Variants in PPP1R12B observed in about 807,000 individuals in gnomAD.
PPP1R12B encodes protein phosphatase 1 regulatory subunit 12B.
In PPP1R12B, 76 loss-of-function variants were observed where a neutral mutation model predicts 126.1. The ratio of observed to expected loss-of-function variants is 0.60; its 90% CI spans 0.50 to 0.73. The LOEUF is 0.73. Among genes scored for constraint, PPP1R12B ranks in the 30% least tolerant of loss-of-function variants. PPP1R12B has a pLI of 0.00. For missense variants in PPP1R12B, 1,052 were observed against 1,205.1 expected (o/e 0.87, Z 1.88); for synonymous variants, 356 against 434.7 (o/e 0.82, Z 2.25).
intron 1 of PPP1R12B, among the ~76,000 whole-genome samples, chr1:202,361,673 G>C (rs1658242051): frequency 6.6e-6 from 1 of 152,058 alleles, no homozygotes; most frequent in Admixed American, 6.6e-5. Context: ...TCAGTAATAT[G>C]GTTTCTTATT....
chr1:202,350,659 T>C (rs894173490), intron 1 of PPP1R12B, among the ~76,000 whole-genome samples: 3 of 151,936 alleles, frequency 2.0e-5, no homozygotes, highest in Non-Finnish European at 4.4e-5. Context: ...CTCGCTCTGT[T>C]GCCCAGGCTG....
intron 18 of PPP1R12B, among the ~76,000 whole-genome samples, chr1:202,540,467 G>C (rs1445451531): frequency 2.0e-5 from 3 of 152,076 alleles, no homozygotes; most frequent in Non-Finnish European, 4.4e-5. Context: ...TAAATATGTC[G>C]GGCTACAGTT....
At chr1:202,560,372 A>G (rs550489909) in intron 19 of PPP1R12B, among the ~76,000 whole-genome samples, 3 of 152,328 alleles carry the variant, frequency 2.0e-5, no homozygotes, top group Non-Finnish European at 4.4e-5. Flanking sequence ...GAATAAAAGA[A>G]TAGCTACTCC....
Position 202,450,430 on chromosome 1 carries a change from G to A in PPP1R12B, c.1850+1259G>A, listed in dbSNP as rs183494795. On this transcript the variant is annotated intron_variant, in intron 13 of 23. Coordinates refer to ENST00000608999, the MANE Select transcript of PPP1R12B (RefSeq NM_002481.4). ...AAGAATGGGTCATTTTCTCCTACTT[G>A]AGGAAGTATTAAAAATAGAATGTAC... is the stretch of plus-strand genomic sequence containing the variant. Among the ~76,000 whole-genome samples, 275 of 152,296 alleles carry A rather than the reference G, an allele frequency of 1.8e-3. 2 individuals are homozygous for A. Among genetic ancestry groups the A allele is most frequent in the African/African-American group, 6.4e-3 (267 of 41,574 alleles).
intron 18 of PPP1R12B, chr1:202,540,159 G>A (rs757165170): frequency 5.2e-5 from 84 of 1,609,220 alleles, no homozygotes; most frequent in Non-Finnish European, 6.2e-5. Context: ...TTATATACCC[G>A]AAGTAAAGAA....
At chr1:202,440,981 T>G (rs1314464306) in intron 11 of PPP1R12B, among the ~76,000 whole-genome samples, 193 bp downstream of exon 11, 2 of 152,232 alleles carry the variant, frequency 1.3e-5, no homozygotes, top group African/African-American at 2.4e-5. Flanking sequence ...TTTCAAATTC[T>G]AACTCCAGGT....
At chr1:202,390,938 C>T (rs779681517) in intron 1 of PPP1R12B, among the ~76,000 whole-genome samples, 18 of 152,270 alleles carry the variant, frequency 1.2e-4, no homozygotes, top group Admixed American at 3.9e-4. Context: ...GTGGCACACA[C>T]CTGTAGTCCC....
chr1:202,541,049 T>C (rs1409072628), intron 18 of PPP1R12B, among the ~76,000 whole-genome samples: 1 of 152,180 alleles, frequency 6.6e-6, no homozygotes. Context: ...CTGCTACCAA[T>C]AGCAAGGGAT....
Position 202,419,717 on chromosome 1 carries a change from G to T in PPP1R12B, c.422+2800G>T, listed in dbSNP as rs1056790929. 1.3e-5 allele frequency among the ~76,000 whole-genome samples: 2 copies of T among 152,096 alleles called. No homozygotes were observed. The highest frequency in any genetic ancestry group is 2.9e-5 in the Non-Finnish European group (2 of 68,004). ...AAGCAATATTTATGGAATACCAAGAGGAAAAAGCAAGTGTCAGATGTCATG... is the reference window on the plus strand; with the variant it reads ...AAGCAATATTTATGGAATACCAAGATGAAAAAGCAAGTGTCAGATGTCATG... On this transcript the variant is annotated intron_variant, in intron 2 of 23. Transcript: ENST00000608999. This position sits in a 1 kb window ranked among gnomAD's most constrained non-coding sequence, Gnocchi z 4.6.
intron 1 of PPP1R12B, among the ~76,000 whole-genome samples, chr1:202,379,618 C>G (rs1186483164): frequency 2.0e-5 from 3 of 152,124 alleles, no homozygotes; most frequent in Admixed American, 2.0e-4. Context: ...TTTTAAAATT[C>G]TTGTTGAATA....
chr1:202,380,846 C>G (rs1438327919), intron 1 of PPP1R12B, among the ~76,000 whole-genome samples: 2 of 152,198 alleles, frequency 1.3e-5, no homozygotes, highest in African/African-American at 2.4e-5. Context: ...ATTAAAATCT[C>G]AAGTATCTAT....
chr1:202,357,251 A>G (rs1032693070), intron 1 of PPP1R12B, among the ~76,000 whole-genome samples: 4 of 152,218 alleles, frequency 2.6e-5, no homozygotes, highest in Admixed American at 2.0e-4. Flanking sequence ...ACAGAGAAGA[A>G]CCGACAAACA....
intron 1 of PPP1R12B, chr1:202,370,167 C>T (rs1659970419): frequency 4.6e-6 from 1 of 218,504 alleles, no homozygotes; most frequent in East Asian, 1.6e-4. Context: ...TCTCTCATCA[C>T]TGGTACTACG....
chr1:202,488,587 C>G lies in PPP1R12B; in HGVS notation c.1905C>G (p.Arg635=). The change falls in exon 14 of 24, where the codon CGC becomes CGG. Residue 635 remains arginine, a synonymous_variant. Transcript: ENST00000608999. ...AAGCAGAGTCTTTACGGAAAGCACG[C>G]TCCAGACAAGCTCGGCAGACACGAA... ...DEEAESLRKA[R]SRQARQTRRS... 1 of 1,612,898 alleles carries G rather than the reference C, an allele frequency of 6.2e-7. No individual in the cohort carries two copies. Among genetic ancestry groups the G allele is most frequent in the Non-Finnish European group, 8.5e-7 (1 of 1,179,422 alleles).
intron 2 of PPP1R12B, among the ~76,000 whole-genome samples, 161 bp downstream of exon 2, chr1:202,417,078 A>G (rs1435198760): frequency 6.6e-6 from 1 of 152,228 alleles, no homozygotes; most frequent in East Asian, 1.9e-4. Context: ...TAACTAATAC[A>G]ATGTTTTGTA....
rs1033975761 is a variant in PPP1R12B at position 202,587,804 on chromosome 1, C to G, written c.*7244C>G. ...GTCCTTTCTCCCACTCTACTGAAAC[C>G]CGGAACAGATTCCCGCTTGCCTTCT... On this transcript the variant is annotated 3_prime_UTR_variant, in exon 24 of 24. Coordinates refer to ENST00000608999, the MANE Select transcript of PPP1R12B (RefSeq NM_002481.4). 6.6e-6 allele frequency: 1 copy of G among 152,150 alleles called. No homozygotes were observed. Among genetic ancestry groups the G allele is most frequent in the African/African-American group, 2.4e-5 (1 of 41,410 alleles). 9.4% of individuals were successfully genotyped at this position (152,150 alleles called of 1,614,324 possible).
chr1:202,438,245 T>C, intron 10 of PPP1R12B: 2 of 1,581,248 alleles, frequency 1.3e-6, no homozygotes, highest in Non-Finnish European at 1.7e-6. Context: ...TAAAAATAGC[T>C]TTTCCTTTTG....
At chr1:202,512,968 C>T (rs947890992) in intron 18 of PPP1R12B, among the ~76,000 whole-genome samples, 1 of 152,184 alleles carries the variant, frequency 6.6e-6, no homozygotes, top group African/African-American at 2.4e-5. Flanking sequence ...ACTGACTGAA[C>T]TCCTTGAAGG....
At chr1:202,525,608 T>C (rs1277721151) in intron 18 of PPP1R12B, among the ~76,000 whole-genome samples, 3 of 151,890 alleles carry the variant, frequency 2.0e-5, no homozygotes, top group Non-Finnish European at 4.4e-5. Flanking sequence ...CTTTTTTTTT[T>C]TTTCTTTTTT....
Sources: allele counts gnomAD v4.1 joint callset (sites outside exome capture counted in the v4.1 genomes callset), GRCh38; gene constraint gnomAD v4.1.1; non-coding constraint Gnocchi (gnomAD v3.1); transcripts MANE v1.5; gene names NCBI Gene and HGNC (gene_info 2026-07-23, HGNC 2026-07-21).